ECT2L: variants seen among roughly 807,000 people sequenced by gnomAD.
ECT2L encodes epithelial cell transforming 2 like, also known as epithelial cell-transforming sequence 2 oncogene-like.
In ECT2L, 126 loss-of-function variants were observed where a neutral mutation model predicts 122.8. That is an observed-to-expected ratio of 1.03 (90% CI 0.89 to 1.19). The LOEUF (loss-of-function observed/expected upper bound fraction) is 1.19. Ranked by LOEUF, ECT2L falls within the 50% of genes most tolerant of loss-of-function variation. ECT2L has a pLI of 0.00. For synonymous variants in ECT2L, 385 were observed against 381.8 expected (o/e 1.01, Z -0.10); for missense variants, 1,012 against 1,064.1 (o/e 0.95, Z 0.68).
In ECT2L at chr6:138,902,773, C is replaced by A; in HGVS notation, c.*146C>A. On this transcript the variant is annotated 3_prime_UTR_variant, in exon 22 of 22. Coordinates refer to ENST00000541398, the MANE Select transcript of ECT2L (RefSeq NM_001077706.3). ...AAGATGACCCATAGGATCTTTCCAA[C>A]TTTTAAACTTTATCACTTGTGCTCA... is the stretch of plus-strand genomic sequence containing the variant. The A allele has an allele frequency of 2.0e-6, 2 of 990,158 alleles. No individual in the cohort carries two copies. The highest frequency in any genetic ancestry group is 3.0e-6 in the Non-Finnish European group (2 of 676,210). The allele number at this position is 990,158 out of a possible 1,614,324, so 61.3% of individuals were successfully genotyped here. A position where few individuals can be genotyped will look rare whatever the true frequency, so the allele number is the denominator to read the frequency against.
In ECT2L at chr6:138,874,920, T is replaced by TA. The variant is rs202210864; in HGVS notation, c.1579-1543dup. Among the ~76,000 whole-genome samples the TA allele has an allele frequency of 9.6e-3, 1,447 of 150,694 alleles. 23 individuals are homozygous for TA. Among genetic ancestry groups the TA allele is most frequent in the African/African-American group, 0.033 (1,354 of 41,142 alleles). On this transcript the variant is annotated intron_variant, in intron 13 of 21. Transcript: ENST00000541398. ...GGGCAACATAGTGAGACCTTGTCTC[T>TA]AAAAAAAAATGAACAAAATTAGCCA...
chr6:138,828,189 CTCT>C (rs1354431586), intron 4 of ECT2L, among the ~76,000 whole-genome samples: 4 of 152,034 alleles, frequency 2.6e-5, no homozygotes, highest in Non-Finnish European at 5.9e-5. Context: ...AATTAATAAT[CTCT>C]TATTATCAAA....
chr6:138,808,200 T>C (rs1462805820), intron 1 of ECT2L, among the ~76,000 whole-genome samples: 1 of 152,226 alleles, frequency 6.6e-6, no homozygotes, highest in Non-Finnish European at 1.5e-5. Context: ...TAGTATTCTA[T>C]GTGGAATACT....
intron 8 of ECT2L, among the ~76,000 whole-genome samples, chr6:138,848,066 A>C (rs1777298117): frequency 6.6e-6 from 1 of 152,156 alleles, no homozygotes; most frequent in Admixed American, 6.5e-5. Flanking sequence ...ATCAGATCTC[A>C]TGAAAACTCA....
chr6:138,796,357 G>C (rs1384900069), intron 1 of ECT2L, among the ~76,000 whole-genome samples, 165 bp downstream of exon 1: 1 of 152,214 alleles, frequency 6.6e-6, no homozygotes, highest in Non-Finnish European at 1.5e-5. Context: ...TAGCAGCTCT[G>C]GAATTAACCA....
chr6:138,813,366 C>T (rs1484649804), intron 3 of ECT2L, 26 bp downstream of exon 3: 1 of 1,555,256 alleles, frequency 6.4e-7, no homozygotes, highest in South Asian at 1.2e-5. Context: ...TAAAACAGAA[C>T]AAGTTTAATT....
chr6:138,858,923 G>A (rs1057158709), intron 10 of ECT2L, among the ~76,000 whole-genome samples: 5 of 151,660 alleles, frequency 3.3e-5, no homozygotes, highest in Non-Finnish European at 5.9e-5. Context: ...TCCCAGGCTC[G>A]TCTTGAGCTC....
intron 14 of ECT2L, among the ~76,000 whole-genome samples, chr6:138,877,671 T>C (rs1262524885): frequency 1.3e-5 from 2 of 152,308 alleles, no homozygotes; most frequent in East Asian, 3.9e-4. Flanking sequence ...TGGCAGCTCA[T>C]GTTTGTAATC....
chr6:138,819,358 G>A (rs1237369151), intron 4 of ECT2L, among the ~76,000 whole-genome samples: 14 of 152,036 alleles, frequency 9.2e-5, no homozygotes, highest in Admixed American at 9.2e-4. Context: ...AACATCCACT[G>A]GCTTGAAGTT....
Position 138,844,513 on chromosome 6 carries a change from C to T in ECT2L, c.697C>T (p.Arg233Ter), listed in dbSNP as rs778491314. The change falls in exon 7 of 22, where the codon CGA (arginine) becomes TGA (stop). Residue 233 changes from arginine (R) to a stop codon, truncating the protein, a stop_gained. Transcript: ENST00000541398. LOFTEE classifies it high-confidence loss of function. ...QPRLSQTVRE[R>*]VGLHEALEKQ... ...ACGCCTCTCCCAGACTGTAAGGGAGCGAGTGGGATTACATGAAGCTTTGGA... is the reference window on the plus strand; with the variant it reads ...ACGCCTCTCCCAGACTGTAAGGGAGTGAGTGGGATTACATGAAGCTTTGGA... 17 of 1,614,050 alleles carry T rather than the reference C, an allele frequency of 1.1e-5. No individual in the cohort carries two copies. In the Middle Eastern group the frequency reaches 8.2e-4, roughly 78 times the overall value.
In ECT2L at chr6:138,867,693, G is replaced by C. The variant is rs181509329; in HGVS notation, c.1475-410G>C. Among the ~76,000 whole-genome samples the C allele has an allele frequency of 9.0e-3, 1,367 of 151,360 alleles. 23 individuals are homozygous for C. Among genetic ancestry groups the C allele is most frequent in the African/African-American group, 0.032 (1,301 of 41,250 alleles). On this transcript the variant is annotated intron_variant, in intron 12 of 21. Transcript: ENST00000541398. Reference sequence around the variant, plus strand: ...AAAAAAAAAAATTTAGCTGGGCGTGGTGGCAGGCACCTGTAATCCTAGCTA... The same window carrying C: ...AAAAAAAAAAATTTAGCTGGGCGTGCTGGCAGGCACCTGTAATCCTAGCTA...
At chr6:138,803,332 A>G (rs1446477018) in intron 1 of ECT2L, among the ~76,000 whole-genome samples, 1 of 151,982 alleles carries the variant, frequency 6.6e-6, no homozygotes, top group African/African-American at 2.4e-5. Context: ...ACACACACAC[A>G]CACACACACA....
intron 20 of ECT2L, among the ~76,000 whole-genome samples, chr6:138,892,072 T>C (rs1055979918): frequency 6.6e-6 from 1 of 152,186 alleles, no homozygotes; most frequent in African/African-American, 2.4e-5. Flanking sequence ...TGCATATGAT[T>C]TGCCTTTTGT....
intron 1 of ECT2L, among the ~76,000 whole-genome samples, chr6:138,800,043 C>T (rs1775488505): frequency 6.6e-6 from 1 of 152,158 alleles, no homozygotes; most frequent in African/African-American, 2.4e-5. Flanking sequence ...GATCTTGTTA[C>T]TTAGCATGTT....
In ECT2L at chr6:138,846,697, C is replaced by CA; in HGVS notation, c.903+21dup. ...TATGAGGTAGAGTATGTTATGAGGC[C>CA]AGTCCTGTCCTGATTGTTTTTTTGT... On this transcript the variant is annotated intron_variant, in intron 8 of 21. Transcript: ENST00000541398. 6.8e-7 allele frequency: 1 copy of CA among 1,471,084 alleles called. No individual in the cohort carries two copies. The highest frequency in any genetic ancestry group is 9.0e-7 in the Non-Finnish European group (1 of 1,105,868). 91.1% of individuals were successfully genotyped at this position (1,471,084 alleles called of 1,614,324 possible). A position where few individuals can be genotyped will look rare whatever the true frequency, so the allele number is the denominator to read the frequency against.
At position 138,902,752 on chromosome 6, in the gene ECT2L, T is replaced by C; in HGVS notation, c.*125T>C. 8.6e-7 allele frequency: 1 copy of C among 1,160,484 alleles called. No homozygotes were observed. Among genetic ancestry groups the C allele is most frequent in the Non-Finnish European group, 1.2e-6 (1 of 808,048 alleles). The allele number at this position is 1,160,484 out of a possible 1,614,324, so 71.9% of individuals were successfully genotyped here. ...TCATGGATGATGAGATAAACTAAGA[T>C]GACCCATAGGATCTTTCCAACTTTT... is the stretch of plus-strand genomic sequence containing the variant. On this transcript the variant is annotated 3_prime_UTR_variant, in exon 22 of 22. Transcript: ENST00000541398.
chr6:138,878,913 G>A (rs1265393800), intron 14 of ECT2L: 1 of 152,992 alleles, frequency 6.5e-6, no homozygotes, highest in Non-Finnish European at 1.5e-5. Context: ...AATGGGGAAG[G>A]AAATGAAAGA....
At chr6:138,880,113 T>A (rs1011548139) in intron 14 of ECT2L, among the ~76,000 whole-genome samples, 1 of 152,326 alleles carries the variant, frequency 6.6e-6, no homozygotes, top group African/African-American at 2.4e-5. Context: ...GAAGAGCATA[T>A]GCTTCAGATT....
rs1207880278 is a variant in ECT2L at position 138,844,417 on chromosome 6, T to C, written c.601T>C (p.Leu201=). The change falls in exon 7 of 22, where the codon TTA becomes CTA. Residue 201 remains leucine (L), a synonymous_variant. Transcript: ENST00000541398. The stretch of plus-strand genomic sequence containing the variant: ...TGCTGTTCTTTGTTTTTCAGAGGAG[T>C]TATTCAAAGTTCGACCCCCTTGGGT... ...WEKIALRKKE[L]FKVRPPWVSG... The C allele has an allele frequency of 1.2e-6, 2 of 1,612,768 alleles. No individual in the cohort carries two copies. The highest frequency in any genetic ancestry group is 1.7e-6 in the Non-Finnish European group (2 of 1,179,210).
Sources: allele counts gnomAD v4.1 joint callset (sites outside exome capture counted in the v4.1 genomes callset), GRCh38; gene constraint gnomAD v4.1.1; transcripts MANE v1.5; gene names NCBI Gene and HGNC (gene_info 2026-07-23, HGNC 2026-07-21).